The following COL23A1 variants were observed in gnomAD, a reference collection of about 807,000 sequenced individuals.
The protein encoded by COL23A1 is collagen type XXIII alpha 1 chain.
In COL23A1, 97 loss-of-function variants were observed where a neutral mutation model predicts 99.3. The ratio of observed to expected loss-of-function variants is 0.98; its 90% confidence interval spans 0.83 to 1.16. The LOEUF (loss-of-function observed/expected upper bound fraction) is 1.16, where lower values mean the gene tolerates loss of function less well. Ranked by LOEUF, COL23A1 falls within the 50% of genes most tolerant of loss-of-function variation. The pLI is 0.00. For synonymous variants in COL23A1, 320 were observed against 308.2 expected (o/e 1.04, Z -0.40); for missense variants, 762 against 757.4 (o/e 1.01, Z -0.07).
chr5:178,391,123 C>T (rs1461920383), intron 2 of COL23A1, among the ~76,000 whole-genome samples: 1 of 152,188 alleles, frequency 6.6e-6, no homozygotes, highest in African/African-American at 2.4e-5. Context: ...AGCATGAACC[C>T]TATTGTGAAC....
At chr5:178,399,890 C>T (rs1392854067) in intron 2 of COL23A1, among the ~76,000 whole-genome samples, 7 of 152,192 alleles carry the variant, frequency 4.6e-5, no homozygotes, top group Non-Finnish European at 5.9e-5. Context: ...GTTCTCATTC[C>T]CTTCGGCTCA....
At chr5:178,358,498 CGTGTATAT>C (rs1395309191) in intron 2 of COL23A1, among the ~76,000 whole-genome samples, 68 of 95,322 alleles carry the variant, frequency 7.1e-4, no homozygotes, top group Non-Finnish European at 1.3e-3. Context: ...TGTGTGTATG[CGTGTATAT>C]GTGTGTATGT....
rs190244295 is a variant in COL23A1, at chr5:178,340,341, T to C, written c.362-33422A>G. 1.3e-5 allele frequency among the ~76,000 whole-genome samples: 2 copies of C among 152,328 alleles called. No homozygotes were observed. Among genetic ancestry groups the C allele is most frequent in the Admixed American group, 1.3e-4 (2 of 15,298 alleles). On this transcript the variant is annotated intron_variant, in intron 2 of 28. Transcript: ENST00000390654. The surrounding 1 kb of genome is among the most constrained non-coding windows in gnomAD (Gnocchi z 4.7). ...GCATGTGTCAGAACAGCTTTGCTGG[T>C]GGCTCCAGCGCAGGAGGGGTAGAAG...
At chr5:178,345,027 C>A in intron 2 of COL23A1, 1 of 579,760 alleles carries the variant, frequency 1.7e-6, no homozygotes, top group South Asian at 1.5e-5. Context: ...GGATACTCAC[C>A]ACCTGGAGAT....
chr5:178,546,582 G>A (rs538359602), intron 2 of COL23A1, among the ~76,000 whole-genome samples: 44 of 152,324 alleles, frequency 2.9e-4, no homozygotes, highest in African/African-American at 9.1e-4. Context: ...CTGCGGTGAC[G>A]CGCCACTAAC....
chr5:178,413,484 A>G (rs1161595914), intron 2 of COL23A1, among the ~76,000 whole-genome samples: 2 of 152,256 alleles, frequency 1.3e-5, no homozygotes, highest in Non-Finnish European at 2.9e-5. Context: ...ATTATCCTCA[A>G]GATTCTTTCC....
intron 2 of COL23A1, among the ~76,000 whole-genome samples, chr5:178,388,595 GTCA>G (rs1303803669): frequency 2.6e-5 from 4 of 152,192 alleles, no homozygotes; most frequent in African/African-American, 9.6e-5. Flanking sequence ...CCCACTGCCT[GTCA>G]TCAACTTCCT....
At chr5:178,406,752 T>C (rs913028696) in intron 2 of COL23A1, among the ~76,000 whole-genome samples, 1 of 152,166 alleles carries the variant, frequency 6.6e-6, no homozygotes, top group Non-Finnish European at 1.5e-5. Context: ...TTTGAAAACT[T>C]AAAATAATAT....
chr5:178,343,357 T>C (rs984951467), intron 2 of COL23A1, among the ~76,000 whole-genome samples: 1 of 152,106 alleles, frequency 6.6e-6, no homozygotes, highest in Admixed American at 6.5e-5. Flanking sequence ...CCGAGGAACA[T>C]ATGGATAACA....
chr5:178,335,733 G>T (rs1760280481), intron 2 of COL23A1, among the ~76,000 whole-genome samples: 1 of 152,220 alleles, frequency 6.6e-6, no homozygotes, highest in Admixed American at 6.5e-5. Context: ...TCCGCAGCAA[G>T]CTCCCAGGTC....
In COL23A1 at chr5:178,246,447, C is replaced by G. The variant is rs1561784768; in HGVS notation, c.1303G>C (p.Asp435His). The G allele has an allele frequency of 1.3e-6, 2 of 1,568,974 alleles. No homozygotes were observed. Among genetic ancestry groups the G allele is most frequent in the Non-Finnish European group, 1.7e-6 (2 of 1,156,018 alleles). ...LQGIQGPKGL[D>H]GAKGEKGASG... ...GCACCCTTCTCTCCCTTTGCTCCAT[C>G]CAAGCCCTGGAGGCAAAGGAGGGAA... Residue 435 changes from aspartate (D) to histidine (H), a missense_variant, in exon 23 of 29, where the codon GAT becomes CAT. Asp to His is a moderately conservative substitution (Grantham distance 81). Coordinates refer to ENST00000390654, the MANE Select transcript of COL23A1 (RefSeq NM_173465.4).
At chr5:178,284,076 A>C (rs1263596096) in intron 5 of COL23A1, among the ~76,000 whole-genome samples, 1 of 152,224 alleles carries the variant, frequency 6.6e-6, no homozygotes, top group Non-Finnish European at 1.5e-5. Flanking sequence ...CTACCCCAAA[A>C]TGCAAGAGTG....
Position 178,280,815 on chromosome 5 carries a change from G to A in COL23A1, c.441+7509C>T, listed in dbSNP as rs973734383. On this transcript the variant is annotated intron_variant, in intron 5 of 28. Coordinates refer to ENST00000390654, the MANE Select transcript of COL23A1 (RefSeq NM_173465.4). This position sits in a 1 kb window ranked among gnomAD's most constrained non-coding sequence, Gnocchi z 4.9. ...TCCCAGAGCTAGGTGTGGACAGGAG[G>A]TACCTGGGCTGCTGCCAGGAGGATG... Among the ~76,000 whole-genome samples, 3 of 152,168 alleles carry A rather than the reference G, an allele frequency of 2.0e-5. No homozygotes were observed. The East Asian group carries it at 5.8e-4, about 29-fold the overall frequency.
intron 1 of COL23A1, among the ~76,000 whole-genome samples, chr5:178,572,441 A>G (rs1763156586): frequency 6.6e-6 from 1 of 151,482 alleles, no homozygotes. Context: ...ACCCAAGCAC[A>G]CACAAAAAAA....
chr5:178,275,259 C>T (rs1023947528), intron 5 of COL23A1, among the ~76,000 whole-genome samples: 3 of 152,358 alleles, frequency 2.0e-5, no homozygotes, highest in Non-Finnish European at 2.9e-5. Flanking sequence ...CGAAGCCCCA[C>T]GGGCAAGCAG....
Position 178,552,859 on chromosome 5 carries a change from G to A in COL23A1, c.361+7823C>T, listed in dbSNP as rs184066208. ...CTCCTGAGTAGCTGGGACTACAGGC[G>A]CGTGCCACCACACCTGGCTAATTTT... On this transcript the variant is annotated intron_variant, in intron 2 of 28. Transcript: ENST00000390654. Among the ~76,000 whole-genome samples the A allele has an allele frequency of 7.8e-3, 1,193 of 152,010 alleles. 14 individuals are homozygous for A. Among genetic ancestry groups the A allele is most frequent in the African/African-American group, 0.027 (1,108 of 41,482 alleles).
Position 178,517,557 on chromosome 5 carries a change from G to GTTTTTTTTTTTTTCTTTT in COL23A1, c.361+43124_361+43125insAAAAGAAAAAAAAAAAAA, listed in dbSNP as rs35787274. Reference sequence around the variant, plus strand: ...AGGGCTCAGACTCTCGGTGACAGCAGTTTTTTTTTTGTTTTTTTTTTTGAG... The same window carrying GTTTTTTTTTTTTTCTTTT: ...AGGGCTCAGACTCTCGGTGACAGCAGTTTTTTTTTTTTTCTTTTTTTTTTTTTTGTTTTTTTTTTTGAG... On this transcript the variant is annotated intron_variant, in intron 2 of 28. Coordinates refer to ENST00000390654, the MANE Select transcript of COL23A1 (RefSeq NM_173465.4). Among the ~76,000 whole-genome samples, 11 of 84,978 alleles carry GTTTTTTTTTTTTTCTTTT rather than the reference G, an allele frequency of 1.3e-4. 2 individuals are homozygous for GTTTTTTTTTTTTTCTTTT. The highest frequency in any genetic ancestry group is 1.2e-3 in the East Asian group (2 of 1,682). The allele number at this position is 84,978 out of a possible 152,430, so 55.7% of individuals were successfully genotyped here.
At chr5:178,506,389 G>A (rs1363678392) in intron 2 of COL23A1, among the ~76,000 whole-genome samples, 1 of 152,188 alleles carries the variant, frequency 6.6e-6, no homozygotes, top group African/African-American at 2.4e-5. Flanking sequence ...AGAAACCAGG[G>A]GACCCCAGGG....
intron 2 of COL23A1, among the ~76,000 whole-genome samples, chr5:178,423,517 C>T (rs1420236017): frequency 6.6e-6 from 1 of 152,120 alleles, no homozygotes; most frequent in Non-Finnish European, 1.5e-5. Context: ...TGAGGGTAGC[C>T]TGGGCTGAGC....
Sources: gnomAD v4.1 joint callset for allele counts (sites outside exome capture counted in the v4.1 genomes callset) on GRCh38, gnomAD v4.1.1 for gene constraint, Gnocchi (gnomAD v3.1) non-coding constraint, MANE v1.5 for transcripts, NCBI Gene and HGNC (gene_info 2026-07-23, HGNC 2026-07-21) for gene names.